SLC24A2: variants seen among roughly 807,000 people sequenced by gnomAD.
SLC24A2 encodes solute carrier family 24 member 2, also known as sodium/potassium/calcium exchanger 2.
A neutral mutation model predicts 62.0 loss-of-function variants in SLC24A2; 36 were observed. The observed-to-expected ratio is 0.58, with a 90% CI of 0.44 to 0.77. The LOEUF (loss-of-function observed/expected upper bound fraction) is 0.77. SLC24A2 is among the 30% of genes least tolerant of loss of function. SLC24A2 has a pLI of 0.00. For missense variants in SLC24A2, 846 were observed against 817.9 expected, an observed-to-expected ratio of 1.03 and a Z score of -0.42; for synonymous variants, 358 against 294.0, an observed-to-expected ratio of 1.22 and a Z score of -2.23.
intron 7 of SLC24A2, among the ~76,000 whole-genome samples, chr9:19,560,255 G>T (rs192840011): frequency 1.3e-5 from 2 of 152,144 alleles, no homozygotes; most frequent in Admixed American, 1.3e-4. Flanking sequence ...ACTCAACTCT[G>T]ATGTCAGTCC....
At chr9:20,207,189 G>GA in the SLC24A2 span, among the ~76,000 whole-genome samples, 1 of 152,148 alleles carries the variant, frequency 6.6e-6, no homozygotes, top group Non-Finnish European at 1.5e-5. Flanking sequence ...TTTAGTATCT[G>GA]AAATTTTCTT....
the SLC24A2 span, among the ~76,000 whole-genome samples, chr9:20,136,810 T>C: frequency 6.6e-6 from 1 of 152,168 alleles, no homozygotes; most frequent in Non-Finnish European, 1.5e-5. Context: ...GAAGATGGAC[T>C]TCCTCAGAGT....
the SLC24A2 span, among the ~76,000 whole-genome samples, chr9:19,802,867 A>T: frequency 2.0e-5 from 3 of 152,206 alleles, no homozygotes; most frequent in Non-Finnish European, 2.9e-5. Flanking sequence ...CAATAGTATT[A>T]GGAGATTGGG....
chr9:20,050,848 G>A, the SLC24A2 span, among the ~76,000 whole-genome samples: 2 of 152,086 alleles, frequency 1.3e-5, no homozygotes, highest in Admixed American at 1.3e-4. Flanking sequence ...CTGTTGTAAT[G>A]ATGTCACGAT....
the SLC24A2 span, among the ~76,000 whole-genome samples, chr9:19,894,905 T>G: frequency 6.6e-6 from 1 of 152,292 alleles, no homozygotes; most frequent in South Asian, 2.1e-4. Context: ...TTTGGAGAAG[T>G]TGCAACAAAT....
the SLC24A2 span, among the ~76,000 whole-genome samples, chr9:20,105,461 C>T: frequency 6.6e-6 from 1 of 151,724 alleles, no homozygotes; most frequent in Non-Finnish European, 1.5e-5. Flanking sequence ...AAGCTCTCCT[C>T]AGCAAATGTA....
At chr9:20,297,479 G>C in the SLC24A2 span, among the ~76,000 whole-genome samples, 1 of 152,224 alleles carries the variant, frequency 6.6e-6, no homozygotes, top group African/African-American at 2.4e-5. Flanking sequence ...AACTGGCCCT[G>C]AAGAAGGGTT....
intron 5 of SLC24A2, among the ~76,000 whole-genome samples, chr9:19,588,838 G>A (rs184656512): frequency 1.3e-5 from 2 of 152,148 alleles, no homozygotes; most frequent in Non-Finnish European, 2.9e-5. Context: ...GCGCCTGCCT[G>A]TAATCCCAGC....
upstream of SLC24A2, among the ~76,000 whole-genome samples, chr9:19,789,386 G>T (rs959527975): frequency 6.6e-6 from 1 of 152,234 alleles, no homozygotes; most frequent in Non-Finnish European, 1.5e-5. Context: ...TAGCAGTCGC[G>T]CTTTTCTTTA....
At chr9:19,677,780 T>C in intron 2 of SLC24A2, among the ~76,000 whole-genome samples, 1 of 150,266 alleles carries the variant, frequency 6.7e-6, no homozygotes, top group Non-Finnish European at 1.5e-5. Flanking sequence ...TATTATGTGA[T>C]ATCTATTATA....
the SLC24A2 span, among the ~76,000 whole-genome samples, chr9:19,855,837 G>T: frequency 6.6e-6 from 1 of 152,194 alleles, no homozygotes; most frequent in South Asian, 2.1e-4. Context: ...AGCCTGTCTT[G>T]CTGGGTTGGG....
the SLC24A2 span, among the ~76,000 whole-genome samples, chr9:20,222,004 T>A: frequency 2.0e-5 from 3 of 152,062 alleles, no homozygotes; most frequent in Non-Finnish European, 2.9e-5. Context: ...TTAAGTATTT[T>A]GAATTTTTGA....
At chr9:20,271,494 G>T in the SLC24A2 span, among the ~76,000 whole-genome samples, 13,038 of 152,198 alleles carry the variant, frequency 0.086, 1,144 homozygotes, top group African/African-American at 0.23. Flanking sequence ...ATACTCAACA[G>T]ATCATCTCTG....
At chr9:19,534,961 T>A (rs1833886316) in intron 8 of SLC24A2, among the ~76,000 whole-genome samples, 1 of 152,206 alleles carries the variant, frequency 6.6e-6, no homozygotes. Context: ...TTGAACTAAC[T>A]TACACCCCCA....
chr9:19,648,182 C>G (rs1388094396), intron 2 of SLC24A2, among the ~76,000 whole-genome samples: 1 of 152,142 alleles, frequency 6.6e-6, no homozygotes, highest in Non-Finnish European at 1.5e-5. Flanking sequence ...TCTTCATTAG[C>G]CACATGGGGA....
the SLC24A2 span, among the ~76,000 whole-genome samples, chr9:20,178,371 T>C: frequency 6.6e-6 from 1 of 152,136 alleles, no homozygotes; most frequent in African/African-American, 2.4e-5. Flanking sequence ...AAGGGCTTTA[T>C]TATTACCAGC....
At chr9:20,024,011 C>T in the SLC24A2 span, among the ~76,000 whole-genome samples, 1 of 152,186 alleles carries the variant, frequency 6.6e-6, no homozygotes, top group Non-Finnish European at 1.5e-5. Context: ...CTTTAATTAG[C>T]TGCATTTCCA....
chr9:19,519,349 T>TGTGTG (rs1563927309), intron 10 of SLC24A2, among the ~76,000 whole-genome samples: 45 of 147,582 alleles, frequency 3.0e-4, no homozygotes, highest in African/African-American at 1.1e-3. Context: ...TTAAACTTCC[T>TGTGTG]TGTGTGTGTG....
At chr9:19,856,386 C>T in the SLC24A2 span, among the ~76,000 whole-genome samples, 1 of 152,008 alleles carries the variant, frequency 6.6e-6, no homozygotes, top group Non-Finnish European at 1.5e-5. Context: ...GAGTTTTTAG[C>T]AATTTTGTGT....
Sources: gnomAD v4.1 joint callset for allele counts (sites outside exome capture counted in the v4.1 genomes callset) on GRCh38, gnomAD v4.1.1 for gene constraint, MANE v1.5 for transcripts, NCBI Gene and HGNC (gene_info 2026-07-23, HGNC 2026-07-21) for gene names.